Variants in EFCAB11 observed in about 807,000 individuals in gnomAD.
EFCAB11 encodes EF-hand calcium binding domain 11.
In EFCAB11, 14 loss-of-function variants were observed where a neutral mutation model predicts 23.0. The ratio of observed to expected loss-of-function variants is 0.61; its 90% confidence interval spans 0.40 to 0.95. The LOEUF (loss-of-function observed/expected upper bound fraction) is 0.95, where lower values mean the gene tolerates loss of function less well. Among genes scored for constraint, EFCAB11 ranks in the 40% least tolerant of loss-of-function variants. The pLI, the probability that EFCAB11 is intolerant of heterozygous loss-of-function variation, is 0.00. For missense variants in EFCAB11, 198 were observed against 195.8 expected (o/e 1.01, Z -0.07); for synonymous variants, 65 against 66.6 (o/e 0.98, Z 0.11).
chr14:89,855,077 T>C (rs1111755), intron 5 of EFCAB11, among the ~76,000 whole-genome samples: 103,442 of 151,968 alleles, frequency 0.68, 36,917 homozygotes, highest in Non-Finnish European at 0.81. Flanking sequence ...TTACTTAGCA[T>C]TTTAGGCATG....
rs528877360 is a variant in EFCAB11 at position 89,858,902 on chromosome 14, C to T, written c.411-61578G>A. 6.6e-5 allele frequency among the ~76,000 whole-genome samples: 10 copies of T among 152,098 alleles called. No homozygotes were observed. The South Asian group carries it at 1.7e-3, about 25-fold the overall frequency. On this transcript the variant is annotated intron_variant, in intron 5 of 5. Coordinates refer to ENST00000316738, the MANE Select transcript of EFCAB11 (RefSeq NM_145231.4). Reference sequence around the variant, plus strand: ...ATAAGAGTGGGTGGTGTGGCAACACCGAAGTTCACACTAGTTCTCCTTTAT... The same window carrying T: ...ATAAGAGTGGGTGGTGTGGCAACACTGAAGTTCACACTAGTTCTCCTTTAT...
intron 5 of EFCAB11, among the ~76,000 whole-genome samples, chr14:89,920,482 C>G (rs1251426454): frequency 1.3e-5 from 2 of 152,174 alleles, no homozygotes; most frequent in Admixed American, 1.3e-4. Context: ...GGAAAGGCAG[C>G]CTCCTTCGGT....
At position 89,811,206 on chromosome 14, in the gene EFCAB11, A is replaced by T. The variant is rs1596376870; in HGVS notation, c.411-13882T>A. Among the ~76,000 whole-genome samples, 11 of 152,156 alleles carry T rather than the reference A, an allele frequency of 7.2e-5. 1 individual carries two copies. The highest frequency in any genetic ancestry group is 2.7e-4 in the African/African-American group (11 of 41,502). ...AAGGAACTGAAAGAAGGCAAATGTA[A>T]CCAGGCACAGAGTGAGGATGAGCAT... is the stretch of plus-strand genomic sequence containing the variant. On this transcript the variant is annotated intron_variant, in intron 5 of 5. Coordinates refer to ENST00000316738, the MANE Select transcript of EFCAB11 (RefSeq NM_145231.4).
intron 5 of EFCAB11, among the ~76,000 whole-genome samples, chr14:89,913,160 A>G (rs1169039000): frequency 2.0e-5 from 3 of 152,208 alleles, no homozygotes; most frequent in African/African-American, 7.2e-5. Context: ...AGAACTGCAC[A>G]TGACAGGCCT....
At chr14:89,926,903 G>A (rs1431962982) in intron 5 of EFCAB11, among the ~76,000 whole-genome samples, 1 of 152,170 alleles carries the variant, frequency 6.6e-6, no homozygotes, top group Non-Finnish European at 1.5e-5. Context: ...CAACTGTAGA[G>A]CTATGACTAA....
rs1175995111 is a variant in EFCAB11 at position 89,903,548 on chromosome 14, G to C, written c.410+27993C>G. Among the ~76,000 whole-genome samples, 4 of 149,066 alleles carry C rather than the reference G, an allele frequency of 2.7e-5. No individual in the cohort carries two copies. The South Asian group carries it at 6.3e-4, about 24-fold the overall frequency. On this transcript the variant is annotated intron_variant, in intron 5 of 5. Coordinates refer to ENST00000316738, the MANE Select transcript of EFCAB11 (RefSeq NM_145231.4). ...TTGCTATTTGACGAATAGAGAACTT[G>C]TTTCCTTATAATGGGTAAAAGAGAA...
chr14:89,918,192 A>G (rs1889911181), intron 5 of EFCAB11, among the ~76,000 whole-genome samples: 1 of 152,172 alleles, frequency 6.6e-6, no homozygotes, highest in African/African-American at 2.4e-5. Flanking sequence ...AGAAGACCAG[A>G]ACAAAAGAGA....
intron 5 of EFCAB11, among the ~76,000 whole-genome samples, chr14:89,846,303 G>A (rs1304884413): frequency 2.0e-5 from 3 of 152,190 alleles, no homozygotes; most frequent in Non-Finnish European, 2.9e-5. Flanking sequence ...CTAAGAAAAA[G>A]TTGAAGATTC....
At chr14:89,869,323 TGCTGAAAAGTAGTA>T (rs1888194789) in intron 5 of EFCAB11, among the ~76,000 whole-genome samples, 3 of 152,246 alleles carry the variant, frequency 2.0e-5, no homozygotes, top group African/African-American at 7.2e-5. Context: ...GATATAGTTT[TGCTGAAAAGTAGTA>T]GCATGGAATT....
At position 89,830,321 on chromosome 14, in the gene EFCAB11, A is replaced by G. The variant is rs982379524; in HGVS notation, c.411-32997T>C. ...AGAAAACTTACAAGTGCAATAGCCTATTAATTGCTTACACGCATACTTTCA... is the reference window on the plus strand; with the variant it reads ...AGAAAACTTACAAGTGCAATAGCCTGTTAATTGCTTACACGCATACTTTCA... On this transcript the variant is annotated intron_variant, in intron 5 of 5. Transcript: ENST00000316738. 2.6e-5 allele frequency: 4 copies of G among 152,216 alleles called. No homozygotes were observed. The East Asian group carries it at 7.7e-4, about 29-fold the overall frequency. The allele number at this position is 152,216 out of a possible 1,614,324, so 9.4% of individuals were successfully genotyped here.
intron 5 of EFCAB11, among the ~76,000 whole-genome samples, chr14:89,851,243 T>C (rs1887593243): frequency 6.6e-6 from 1 of 152,218 alleles, no homozygotes; most frequent in Non-Finnish European, 1.5e-5. Context: ...TCTCCCTCTG[T>C]AGCTGCTGAA....
intron 5 of EFCAB11, among the ~76,000 whole-genome samples, chr14:89,805,366 C>G (rs983123513): frequency 6.6e-6 from 1 of 152,196 alleles, no homozygotes; most frequent in Non-Finnish European, 1.5e-5. Flanking sequence ...AGCCAGTTAA[C>G]ACATGTCATT....
chr14:89,885,892 C>T (rs1286949), intron 5 of EFCAB11, among the ~76,000 whole-genome samples: 126,714 of 147,778 alleles, frequency 0.86, 54,351 homozygotes, highest in Non-Finnish European at 0.9. Context: ...CTTTTTTTTT[C>T]TTTGGTGGAA....
chr14:89,929,649 G>T (rs555023181), intron 5 of EFCAB11, among the ~76,000 whole-genome samples: 2 of 152,312 alleles, frequency 1.3e-5, no homozygotes, highest in African/African-American at 4.8e-5. Flanking sequence ...GCCTCCCAAA[G>T]TGTGGGGATT....
intron 5 of EFCAB11, among the ~76,000 whole-genome samples, chr14:89,929,265 G>T (rs188669320): frequency 3.6e-4 from 55 of 152,142 alleles, no homozygotes; most frequent in African/African-American, 1.3e-3. Context: ...GCCCAGGTTG[G>T]TCTTGAACTC....
chr14:89,935,520 C>T (rs1388760619), intron 3 of EFCAB11, among the ~76,000 whole-genome samples: 1 of 151,912 alleles, frequency 6.6e-6, no homozygotes, highest in East Asian at 1.9e-4. Flanking sequence ...TCAAGTTATC[C>T]CCCACCTCAG....
chr14:89,919,897 G>A (rs966536493), intron 5 of EFCAB11, among the ~76,000 whole-genome samples: 1 of 152,136 alleles, frequency 6.6e-6, no homozygotes. Context: ...AGCAGATAAT[G>A]TGGCCCAGCT....
At position 89,940,476 on chromosome 14, in the gene EFCAB11, C is replaced by T. The variant is rs144662423; in HGVS notation, c.218-7849G>A. On this transcript the variant is annotated intron_variant, in intron 3 of 5. Transcript: ENST00000316738. ...CAGACAAGATATTAATAAATAAAAGCATGCAAGCCAACTGACCATTAACCT... is the reference window on the plus strand; with the variant it reads ...CAGACAAGATATTAATAAATAAAAGTATGCAAGCCAACTGACCATTAACCT... Among the ~76,000 whole-genome samples, 1,042 of 152,250 alleles carry T rather than the reference C, an allele frequency of 6.8e-3. 7 individuals carry two copies. Among genetic ancestry groups the T allele is most frequent in the Non-Finnish European group, 0.012 (820 of 68,014 alleles).
chr14:89,881,452 C>CATATATATATATATATATACACATAT (rs10530483), intron 5 of EFCAB11, among the ~76,000 whole-genome samples: 3 of 46,710 alleles, frequency 6.4e-5, no homozygotes, highest in Non-Finnish European at 9.7e-5. Flanking sequence ...TATGACTTGG[C>CATATATATATATATATATACACATAT]ATATATATAT....
Sources: gnomAD v4.1 joint callset for allele counts (sites outside exome capture counted in the v4.1 genomes callset) on GRCh38, gnomAD v4.1.1 for gene constraint, MANE v1.5 for transcripts, NCBI Gene and HGNC (gene_info 2026-07-23, HGNC 2026-07-21) for gene names.